The following STPG2 variants were observed in gnomAD, a reference collection of about 807,000 sequenced individuals.
The protein encoded by STPG2 is sperm tail PG-rich repeat containing 2, also known as sperm-tail PG-rich repeat-containing protein 2.
STPG2 carries 56 observed loss-of-function variants against 54.2 expected under a neutral mutation model. The observed-to-expected ratio is 1.03, with a 90% CI of 0.83 to 1.29. STPG2 has a LOEUF of 1.29. Among genes scored for constraint, STPG2 ranks in the 50% most tolerant of loss-of-function variants. The pLI is 0.00. For missense variants in STPG2, 596 were observed against 544.9 expected, an observed-to-expected ratio of 1.09 and a Z score of -0.93; for synonymous variants, 200 against 181.8, an observed-to-expected ratio of 1.10 and a Z score of -0.81.
At chr4:98,084,101 T>A (rs1204560243) in intron 5 of STPG2, among the ~76,000 whole-genome samples, 1 of 152,184 alleles carries the variant, frequency 6.6e-6, no homozygotes, top group Non-Finnish European at 1.5e-5. Context: ...TGCCTCAGCC[T>A]CCCAAAGTGC....
chr4:97,942,127 ATATATATGTGTG>A (rs1733007385), intron 8 of STPG2, among the ~76,000 whole-genome samples: 1 of 149,524 alleles, frequency 6.7e-6, no homozygotes, highest in Admixed American at 6.7e-5. Context: ...CGTTTTAAAT[ATATATATGTGTG>A]TATATATATA....
chr4:97,801,149 C>T (rs772981566), intron 9 of STPG2, among the ~76,000 whole-genome samples: 21 of 152,172 alleles, frequency 1.4e-4, no homozygotes, highest in Non-Finnish European at 2.5e-4. Context: ...CAATGCCTCG[C>T]CCTGCCTCAG....
rs868121682 is a variant in STPG2, at chr4:97,742,553, G to A, written c.1205-29739C>T. ...TGTGTGTGTGTGTGTGTGTGTGTGTGTGTGTGTGTGTGTCTATATATATAT... is the reference window on the plus strand; with the variant it reads ...TGTGTGTGTGTGTGTGTGTGTGTGTATGTGTGTGTGTGTCTATATATATAT... On this transcript the variant is annotated intron_variant, in intron 9 of 10. Transcript: ENST00000295268. Among the ~76,000 whole-genome samples, 652 of 134,880 alleles carry A rather than the reference G, an allele frequency of 4.8e-3. 6 individuals carry two copies. Among genetic ancestry groups the A allele is most frequent in the South Asian group, 0.017 (74 of 4,374 alleles). The allele number at this position is 134,880 out of a possible 152,430, so 88.5% of individuals were successfully genotyped here.
At chr4:97,727,064 T>A (rs1724648038) in intron 9 of STPG2, among the ~76,000 whole-genome samples, 1 of 151,926 alleles carries the variant, frequency 6.6e-6, no homozygotes, top group Non-Finnish European at 1.5e-5. Flanking sequence ...AATATCTGAG[T>A]CTTTAAGTGT....
rs1047729025 is a variant in STPG2 at position 97,589,101 on chromosome 4, T to C, written c.1321-29984A>G. Among the ~76,000 whole-genome samples, 50 of 152,162 alleles carry C rather than the reference T, an allele frequency of 3.3e-4. 1 individual carries two copies. Among genetic ancestry groups the C allele is most frequent in the South Asian group, 2.5e-3 (12 of 4,830 alleles). ...GATGCAGTTAAAAACAGGTAGAAGA[T>C]AGATATCTATGTGTTAATATGGAAA... On this transcript the variant is annotated intron_variant, in intron 10 of 10. Transcript: ENST00000295268.
At chr4:97,625,527 C>T (rs1003275796) in intron 10 of STPG2, among the ~76,000 whole-genome samples, 1 of 152,146 alleles carries the variant, frequency 6.6e-6, no homozygotes, top group Admixed American at 6.5e-5. Flanking sequence ...ATTGGTCAGG[C>T]TGGTCTTGAA....
At chr4:97,749,941 C>G (rs917909889) in intron 9 of STPG2, among the ~76,000 whole-genome samples, 2 of 151,738 alleles carry the variant, frequency 1.3e-5, no homozygotes, top group Non-Finnish European at 3.0e-5. Flanking sequence ...CCCGTCCAGA[C>G]AGGTTTTGCT....
intron 10 of STPG2, among the ~76,000 whole-genome samples, chr4:97,626,633 G>GAACCAAAT (rs1307773471): frequency 1.6e-4 from 24 of 152,004 alleles, no homozygotes; most frequent in Non-Finnish European, 2.9e-4. Context: ...AATATATGTA[G>GAACCAAAT]ATATTTTAAC....
intron 5 of STPG2, among the ~76,000 whole-genome samples, chr4:98,060,373 T>G (rs982674733): frequency 1.3e-5 from 2 of 151,890 alleles, no homozygotes; most frequent in Non-Finnish European, 2.9e-5. Flanking sequence ...AGGTGAAAGA[T>G]CTCTACAATG....
At chr4:97,835,172 A>C (rs1434684372) in intron 9 of STPG2, among the ~76,000 whole-genome samples, 1 of 152,086 alleles carries the variant, frequency 6.6e-6, no homozygotes, top group African/African-American at 2.4e-5. Context: ...TAAAGAAGCC[A>C]GCTAAATCCC....
At chr4:97,981,421 T>G in intron 5 of STPG2, 103 bp from the exon 6 acceptor site, 1 of 1,179,804 alleles carries the variant, frequency 8.5e-7, no homozygotes, top group Non-Finnish European at 1.2e-6. Context: ...TGGAGTTAAT[T>G]TATTTCTTAA....
intron 1 of STPG2, among the ~76,000 whole-genome samples, chr4:98,142,302 G>A (rs1578191361): frequency 6.6e-6 from 1 of 152,068 alleles, no homozygotes; most frequent in South Asian, 2.1e-4. Context: ...GTGTAGGTAT[G>A]GGGAAAATGT....
chr4:97,643,311 G>A (rs1721816599), intron 10 of STPG2, among the ~76,000 whole-genome samples: 1 of 151,518 alleles, frequency 6.6e-6, no homozygotes, highest in East Asian at 1.9e-4. Flanking sequence ...ATTCTTTGGT[G>A]CTGCTCTCAC....
chr4:97,539,375 A>G (rs1731632261), intron 4 of STPG2, among the ~76,000 whole-genome samples: 1 of 152,190 alleles, frequency 6.6e-6, no homozygotes, highest in African/African-American at 2.4e-5. Flanking sequence ...AAAACAAAAA[A>G]AGGCAGGGGT....
chr4:98,074,235 T>C (rs1738088237), intron 5 of STPG2, among the ~76,000 whole-genome samples: 1 of 152,236 alleles, frequency 6.6e-6, no homozygotes, highest in South Asian at 2.1e-4. Context: ...GCTGGTTTCA[T>C]CGCTTTAATA....
At chr4:97,557,708 C>T (rs971571070), downstream of STPG2, among the ~76,000 whole-genome samples, 1 of 152,140 alleles carries the variant, frequency 6.6e-6, no homozygotes, top group Non-Finnish European at 1.5e-5. Flanking sequence ...AGCAAATAGA[C>T]AAAAGTTATT....
intron 4 of STPG2, among the ~76,000 whole-genome samples, chr4:97,491,915 G>A (rs762242344): frequency 3.3e-5 from 5 of 151,474 alleles, no homozygotes; most frequent in Non-Finnish European, 7.4e-5. Flanking sequence ...ATGAAAGCAA[G>A]CAATTAAAAG....
intron 10 of STPG2, among the ~76,000 whole-genome samples, chr4:97,608,908 T>G (rs1328948926): frequency 2.6e-5 from 4 of 152,016 alleles, no homozygotes; most frequent in Non-Finnish European, 4.4e-5. Context: ...GATTCTCAGC[T>G]CCCTGAAATG....
chr4:97,988,642 T>G (rs1252375847), intron 5 of STPG2, among the ~76,000 whole-genome samples: 1 of 152,254 alleles, frequency 6.6e-6, no homozygotes, highest in Non-Finnish European at 1.5e-5. Flanking sequence ...GCTCTCACTC[T>G]GTTACCCAGG....
Sources: allele counts gnomAD v4.1 joint callset (sites outside exome capture counted in the v4.1 genomes callset), GRCh38; gene constraint gnomAD v4.1.1; transcripts MANE v1.5; gene names NCBI Gene and HGNC (gene_info 2026-07-23, HGNC 2026-07-21).